The following RIMS1 variants were observed in gnomAD, a reference collection of about 807,000 sequenced individuals.
RIMS1 encodes regulating synaptic membrane exocytosis protein 1.
In RIMS1, 83 loss-of-function variants were observed where a neutral mutation model predicts 214.1. The ratio of observed to expected loss-of-function variants is 0.39; its 90% confidence interval spans 0.32 to 0.47. RIMS1 has a LOEUF of 0.47. RIMS1 is among the 20% of genes least tolerant of loss of function. The pLI, the probability that RIMS1 is intolerant of heterozygous loss-of-function variation, is 0.99. For synonymous variants in RIMS1, 793 were observed against 786.8 expected, an observed-to-expected ratio of 1.01 and a Z score of -0.13; for missense variants, 2,050 against 2,161.8, an observed-to-expected ratio of 0.95 and a Z score of 1.03.
rs2073057942 is a variant in RIMS1, at chr6:72,251,012, G to A, written c.2464G>A (p.Asp822Asn). 8 of 1,571,290 alleles carry A rather than the reference G, an allele frequency of 5.1e-6. No homozygotes were observed. The highest frequency in any genetic ancestry group is 6.9e-6 in the Non-Finnish European group (8 of 1,157,238). Residue 822 changes from aspartate (D) to asparagine (N), a missense_variant, in exon 14 of 34, where the codon GAT (aspartate) becomes AAT (asparagine). This residue lies in a region of RIMS1 where 889 missense variants were observed against 885.5 expected (regional missense o/e 1.00). Coordinates refer to ENST00000521978, the MANE Select transcript of RIMS1 (RefSeq NM_014989.7). ...TGTCTATTCACATGTACATCGTAGAGATTTTAGAGAACGAATGTTAGAAAT... is the reference window on the plus strand; with the variant it reads ...TGTCTATTCACATGTACATCGTAGAAATTTTAGAGAACGAATGTTAGAAAT... ...TFVYSHVHRR[D>N]FRERMLEITV...
At chr6:72,192,491 G>T (rs547162972) in intron 6 of RIMS1, among the ~76,000 whole-genome samples, 2 of 152,296 alleles carry the variant, frequency 1.3e-5, no homozygotes, top group East Asian at 1.9e-4. Flanking sequence ...TGATTGAAGG[G>T]CTGTGATTCT....
intron 4 of RIMS1, among the ~76,000 whole-genome samples, chr6:72,137,855 C>G (rs1056856622): frequency 6.6e-6 from 1 of 151,512 alleles, no homozygotes; most frequent in Non-Finnish European, 1.5e-5. Context: ...TCCTGCCTCA[C>G]CCTCCCGAGT....
chr6:71,930,707 A>G (rs763054606), intron 1 of RIMS1, among the ~76,000 whole-genome samples: 1 of 152,088 alleles, frequency 6.6e-6, no homozygotes, highest in Non-Finnish European at 1.5e-5. Context: ...ATTCCTTTTC[A>G]TAACGAAAAT....
intron 31 of RIMS1, among the ~76,000 whole-genome samples, chr6:72,394,941 A>G (rs2154446684): frequency 6.6e-6 from 1 of 152,176 alleles, no homozygotes; most frequent in Admixed American, 6.5e-5. Context: ...GAAAAACACC[A>G]AGAGATTATT....
chr6:72,250,631 A>G (rs770845174), intron 13 of RIMS1, among the ~76,000 whole-genome samples, 171 bp downstream of exon 13: 5 of 152,206 alleles, frequency 3.3e-5, no homozygotes, highest in Non-Finnish European at 5.9e-5. Context: ...TGTTGGAAAT[A>G]TTTGAAAATA....
intron 4 of RIMS1, among the ~76,000 whole-genome samples, chr6:72,106,214 T>C (rs1389899765): frequency 4.6e-5 from 7 of 152,212 alleles, no homozygotes; most frequent in African/African-American, 1.2e-4. Flanking sequence ...TGAATCACTT[T>C]ACAATGGTGG....
intron 4 of RIMS1, among the ~76,000 whole-genome samples, chr6:72,120,630 T>C (rs1184601462): frequency 6.6e-6 from 1 of 151,926 alleles, no homozygotes; most frequent in African/African-American, 2.4e-5. Flanking sequence ...GTAGTTTCTT[T>C]TGCTGTGCAG....
chr6:72,214,027 A>T (rs2054593600), intron 6 of RIMS1, among the ~76,000 whole-genome samples: 1 of 152,186 alleles, frequency 6.6e-6, no homozygotes, highest in African/African-American at 2.4e-5. Flanking sequence ...ATGAAAATAG[A>T]AGGATTTTTT....
chr6:72,088,343 G>C (rs1020400864), intron 2 of RIMS1, among the ~76,000 whole-genome samples: 1 of 151,806 alleles, frequency 6.6e-6, no homozygotes, highest in African/African-American at 2.4e-5. Flanking sequence ...TTGCCTCCCA[G>C]GTTCAAGCGA....
At chr6:72,073,744 T>A (rs1831122064) in intron 2 of RIMS1, among the ~76,000 whole-genome samples, 1 of 152,202 alleles carries the variant, frequency 6.6e-6, no homozygotes, top group Admixed American at 6.5e-5. Flanking sequence ...GCCTGGATTT[T>A]GTTCAGTTCT....
intron 26 of RIMS1, among the ~76,000 whole-genome samples, chr6:72,296,904 T>C (rs1245537042): frequency 6.6e-6 from 1 of 151,826 alleles, no homozygotes; most frequent in Non-Finnish European, 1.5e-5. Flanking sequence ...ACCCAGATCT[T>C]TTTACTTTCG....
chr6:72,214,750 C>G (rs1345887160), intron 6 of RIMS1, among the ~76,000 whole-genome samples: 1 of 151,150 alleles, frequency 6.6e-6, no homozygotes, highest in Non-Finnish European at 1.5e-5. Flanking sequence ...GAGATGGAAT[C>G]TTGCTCTGTC....
chr6:72,242,166 A>G (rs1427651781), intron 9 of RIMS1, 148 bp from the exon 10 acceptor site: 3 of 621,156 alleles, frequency 4.8e-6, no homozygotes, highest in African/African-American at 1.9e-5. Flanking sequence ...AGCTGACATT[A>G]TATGGCAATC....
intron 1 of RIMS1, among the ~76,000 whole-genome samples, chr6:71,931,420 C>CTAA (rs1782998270): frequency 6.6e-6 from 1 of 151,866 alleles, no homozygotes; most frequent in Admixed American, 6.6e-5. Context: ...TATCTGTCAT[C>CTAA]TAATAATAAT....
intron 1 of RIMS1, among the ~76,000 whole-genome samples, chr6:71,922,177 T>C (rs887124221): frequency 9.2e-5 from 14 of 152,340 alleles, no homozygotes; most frequent in African/African-American, 3.1e-4. Context: ...ATAATACTTA[T>C]CATTTTAAGC....
At position 72,225,306 on chromosome 6, in the gene RIMS1, A is replaced by T. The variant is rs573208747; in HGVS notation, c.1679-8467A>T. The stretch of plus-strand genomic sequence containing the variant: ...CATAATTACTTCTGTTTTGTTCTAC[A>T]TATCCTTAAAATTCATCTTTATTAT... On this transcript the variant is annotated intron_variant, in intron 6 of 33. Transcript: ENST00000521978. Among the ~76,000 whole-genome samples, 314 of 152,296 alleles carry T rather than the reference A, an allele frequency of 2.1e-3. 4 individuals carry two copies. The highest frequency in any genetic ancestry group is 6.9e-3 in the African/African-American group (287 of 41,578).
intron 6 of RIMS1, among the ~76,000 whole-genome samples, chr6:72,199,229 A>T (rs1428851742): frequency 6.6e-6 from 1 of 152,130 alleles, no homozygotes; most frequent in African/African-American, 2.4e-5. Flanking sequence ...GGCAATTAAA[A>T]ATTGATAAAA....
chr6:72,354,345 C>T lies in RIMS1; in HGVS notation c.4366+20510C>T, dbSNP rs187846184. ...GAAAATTCTAGCTCTTAAGCTAGAA[C>T]TCTATTTTATTAAATTTACTTCTAA... On this transcript the variant is annotated intron_variant, in intron 29 of 33. Coordinates refer to ENST00000521978, the MANE Select transcript of RIMS1 (RefSeq NM_014989.7). 1.6e-4 allele frequency among the ~76,000 whole-genome samples: 24 copies of T among 152,280 alleles called. No homozygotes were observed. The East Asian group carries it at 3.9e-3, about 24-fold the overall frequency.
intron 29 of RIMS1, among the ~76,000 whole-genome samples, chr6:72,371,138 C>A (rs372610861): frequency 5.0e-4 from 76 of 151,968 alleles, no homozygotes; most frequent in Middle Eastern, 3.4e-3. Flanking sequence ...GTGTCTGTGT[C>A]TGTATGTGTA....
Sources: allele counts gnomAD v4.1 joint callset (sites outside exome capture counted in the v4.1 genomes callset), GRCh38; gene constraint gnomAD v4.1.1; regional missense constraint gnomAD v4.1.1; transcripts MANE v1.5; gene names NCBI Gene and HGNC (gene_info 2026-07-23, HGNC 2026-07-21).